Variants in MACROD2 observed in about 807,000 individuals in gnomAD.
MACROD2 encodes the protein mono-ADP ribosylhydrolase 2.
MACROD2 carries 36 observed loss-of-function variants against 70.4 expected under a neutral mutation model. That is an observed-to-expected ratio of 0.51 (90% CI 0.39 to 0.68). The LOEUF (loss-of-function observed/expected upper bound fraction) is 0.68, where lower values mean the gene tolerates loss of function less well. Ranked by LOEUF, MACROD2 falls within the 30% of genes least tolerant of loss-of-function variation. The pLI, the probability that MACROD2 is intolerant of heterozygous loss-of-function variation, is 0.00. For synonymous variants in MACROD2, 172 were observed against 178.8 expected (o/e 0.96, Z 0.30); for missense variants, 496 against 538.4 (o/e 0.92, Z 0.78).
intron 12 of MACROD2, among the ~76,000 whole-genome samples, chr20:15,964,123 A>G (rs1023436201): frequency 7.9e-5 from 12 of 152,202 alleles, no homozygotes; most frequent in Non-Finnish European, 2.9e-5. Flanking sequence ...GTAAAATGCA[A>G]ATCCAAGGTG....
In MACROD2 at chr20:14,356,024, G is replaced by A. The variant is rs563463737; in HGVS notation, c.272-137455G>A. Reference sequence around the variant, plus strand: ...ATTTCAAGAACAACCATTGGATCCTGATTTAGTGGAATGCACTCCAGACTG... The same window carrying A: ...ATTTCAAGAACAACCATTGGATCCTAATTTAGTGGAATGCACTCCAGACTG... On this transcript the variant is annotated intron_variant, in intron 3 of 17. Transcript: ENST00000684519. Among the ~76,000 whole-genome samples, 33 of 152,294 alleles carry A rather than the reference G, an allele frequency of 2.2e-4. No homozygotes were observed. In the South Asian group the frequency reaches 3.7e-3, roughly 17 times the overall value.
At chr20:14,002,497 T>G (rs1339566618) in intron 2 of MACROD2, 93 bp downstream of exon 2, 7 of 710,206 alleles carry the variant, frequency 9.9e-6, no homozygotes, top group Non-Finnish European at 1.7e-5. Context: ...ATAAAGAGAT[T>G]ACTATTTTGC....
chr20:15,092,880 C>T (rs2075802480), intron 5 of MACROD2, among the ~76,000 whole-genome samples: 1 of 152,098 alleles, frequency 6.6e-6, no homozygotes, highest in African/African-American at 2.4e-5. Context: ...CTGTCTCTCT[C>T]CGAATAAGTG....
At chr20:14,996,748 C>G (rs2074953151) in intron 5 of MACROD2, among the ~76,000 whole-genome samples, 1 of 152,132 alleles carries the variant, frequency 6.6e-6, no homozygotes, top group Admixed American at 6.5e-5. Context: ...TGCCCTGTCA[C>G]AGCAGAAAGC....
intron 5 of MACROD2, among the ~76,000 whole-genome samples, chr20:14,716,151 G>A (rs1054429887): frequency 6.6e-6 from 1 of 152,120 alleles, no homozygotes; most frequent in African/African-American, 2.4e-5. Context: ...CTTAATAAGA[G>A]CCATGCTCTT....
intron 3 of MACROD2, among the ~76,000 whole-genome samples, chr20:14,161,039 T>G (rs1033235477): frequency 6.6e-6 from 1 of 152,178 alleles, no homozygotes; most frequent in African/African-American, 2.4e-5. Context: ...TCCATCTTTA[T>G]GTTCGTGCAT....
chr20:14,793,743 T>G (rs952641035), intron 5 of MACROD2, among the ~76,000 whole-genome samples: 1 of 151,962 alleles, frequency 6.6e-6, no homozygotes, highest in African/African-American at 2.4e-5. Flanking sequence ...GGCTGATAAC[T>G]CACAGGCTGC....
chr20:15,025,824 T>C (rs2075226783), intron 5 of MACROD2, among the ~76,000 whole-genome samples: 1 of 152,060 alleles, frequency 6.6e-6, no homozygotes, highest in Non-Finnish European at 1.5e-5. Flanking sequence ...TTGTCAAATG[T>C]CCTCCTGGGG....
At chr20:14,183,138 C>G (rs1370093926) in intron 3 of MACROD2, among the ~76,000 whole-genome samples, 1 of 150,406 alleles carries the variant, frequency 6.6e-6, no homozygotes, top group East Asian at 2.0e-4. Flanking sequence ...TAAGCCTAGG[C>G]TTAATAAAAT....
intron 6 of MACROD2, among the ~76,000 whole-genome samples, chr20:15,388,507 A>G (rs2045750551): frequency 6.6e-6 from 1 of 152,190 alleles, no homozygotes; most frequent in African/African-American, 2.4e-5. Context: ...TAAACATCAC[A>G]TTATTTTTAA....
intron 3 of MACROD2, among the ~76,000 whole-genome samples, chr20:14,271,347 G>T (rs1319603596): frequency 6.6e-6 from 1 of 152,194 alleles, no homozygotes; most frequent in Non-Finnish European, 1.5e-5. Flanking sequence ...AAAATCTGCT[G>T]TTCTGCAGCC....
At chr20:15,136,621 C>T (rs929873770) in intron 5 of MACROD2, among the ~76,000 whole-genome samples, 4 of 151,920 alleles carry the variant, frequency 2.6e-5, no homozygotes, top group Non-Finnish European at 4.4e-5. Context: ...GGAAGAAAAC[C>T]TAGGCATTAC....
intron 8 of MACROD2, among the ~76,000 whole-genome samples, chr20:15,524,761 C>T (rs371305238): frequency 6.6e-6 from 1 of 152,184 alleles, no homozygotes; most frequent in East Asian, 1.9e-4. Context: ...GCACTAGCTA[C>T]ATGTAGCTAT....
intron 2 of MACROD2, among the ~76,000 whole-genome samples, chr20:14,049,555 A>G (rs965503745): frequency 5.3e-5 from 8 of 151,260 alleles, no homozygotes; most frequent in African/African-American, 1.5e-4. Flanking sequence ...AGCCTGGCCA[A>G]CGTGGTGAAA....
chr20:14,784,432 G>A (rs1292044407), intron 5 of MACROD2, among the ~76,000 whole-genome samples: 1 of 151,958 alleles, frequency 6.6e-6, no homozygotes, highest in Non-Finnish European at 1.5e-5. Flanking sequence ...ATAGTTGGTG[G>A]CACTTCATTT....
At chr20:15,657,460 C>T (rs456544) in intron 8 of MACROD2, among the ~76,000 whole-genome samples, 1 of 151,986 alleles carries the variant, frequency 6.6e-6, no homozygotes, top group Non-Finnish European at 1.5e-5. Context: ...TAAATCAATA[C>T]CATTTCAGAC....
At position 14,514,804 on chromosome 20, in the gene MACROD2, A is replaced by C. The variant is rs546982848; in HGVS notation, c.301+21296A>C. 1.5e-4 allele frequency among the ~76,000 whole-genome samples: 23 copies of C among 152,232 alleles called. No homozygotes were observed. The East Asian group carries it at 4.4e-3, about 29-fold the overall frequency. On this transcript the variant is annotated intron_variant, in intron 4 of 17. Transcript: ENST00000684519. ...TGGATGCCTTCTACAACTTCCTCTT[A>C]GTGACTATAAAACAGAGAAAAGCCT...
intron 3 of MACROD2, among the ~76,000 whole-genome samples, chr20:14,171,579 A>C (rs1258089912): frequency 6.6e-6 from 1 of 152,166 alleles, no homozygotes; most frequent in Non-Finnish European, 1.5e-5. Flanking sequence ...TTTCATCTGA[A>C]TTTTATTGAT....
At chr20:15,512,540 A>G (rs542305136) in intron 8 of MACROD2, among the ~76,000 whole-genome samples, 1 of 152,338 alleles carries the variant, frequency 6.6e-6, no homozygotes, top group South Asian at 2.1e-4. Context: ...ATGTAATTAT[A>G]TTGGTTCCTG....
Sources: allele counts gnomAD v4.1 joint callset (sites outside exome capture counted in the v4.1 genomes callset), GRCh38; gene constraint gnomAD v4.1.1; transcripts MANE v1.5; gene names NCBI Gene and HGNC (gene_info 2026-07-23, HGNC 2026-07-21).